Variants in CNTN4 observed in about 807,000 individuals in gnomAD.
The protein encoded by CNTN4 is contactin 4, also known as contactin-4.
Under a neutral mutation model 122.5 loss-of-function variants are expected in CNTN4, and 77 were observed. The ratio of observed to expected loss-of-function variants is 0.63; its 90% CI spans 0.52 to 0.76. The LOEUF (loss-of-function observed/expected upper bound fraction) is 0.76, where lower values mean the gene tolerates loss of function less well. Ranked by LOEUF, CNTN4 falls within the 30% of genes least tolerant of loss-of-function variation. The pLI is 0.00. For synonymous variants in CNTN4, 512 were observed against 447.0 expected, an observed-to-expected ratio of 1.15 and a Z score of -1.83; for missense variants, 1,256 against 1,259.1, an observed-to-expected ratio of 1.00 and a Z score of 0.04.
intron 4 of CNTN4, among the ~76,000 whole-genome samples, chr3:2,579,534 T>A (rs1009735500): frequency 3.9e-4 from 35 of 89,416 alleles, no homozygotes; most frequent in Non-Finnish European, 7.3e-4. Context: ...GTCATGGGTT[T>A]CTTTTTTTTT....
chr3:2,832,841 G>C (rs1201048374), intron 7 of CNTN4, among the ~76,000 whole-genome samples: 2 of 152,196 alleles, frequency 1.3e-5, no homozygotes, highest in Non-Finnish European at 2.9e-5. Flanking sequence ...TCAATTTATA[G>C]AAATGGTGGG....
chr3:2,864,753 A>AAAAAAAAAAAAAAAC (rs1256453176), intron 7 of CNTN4, among the ~76,000 whole-genome samples: 1 of 150,406 alleles, frequency 6.6e-6, no homozygotes, highest in Admixed American at 6.6e-5. Context: ...AAAAAAAAAA[A>AAAAAAAAAAAAAAAC]AAGTTTCCGG....
At chr3:2,977,562 G>C (rs1179449049) in intron 13 of CNTN4, among the ~76,000 whole-genome samples, 1 of 151,834 alleles carries the variant, frequency 6.6e-6, no homozygotes, top group East Asian at 1.9e-4. Flanking sequence ...TGCTGTTGGG[G>C]AAAAGGCCAA....
At chr3:2,597,293 A>G (rs1254052663) in intron 4 of CNTN4, among the ~76,000 whole-genome samples, 2 of 152,184 alleles carry the variant, frequency 1.3e-5, no homozygotes, top group Non-Finnish European at 2.9e-5. Context: ...AATAAGGACT[A>G]CAACATTGGG....
At chr3:3,023,716 C>T (rs568977975) in intron 14 of CNTN4, among the ~76,000 whole-genome samples, 6 of 152,298 alleles carry the variant, frequency 3.9e-5, no homozygotes, top group African/African-American at 1.4e-4. Flanking sequence ...CTGTCTAAGG[C>T]AGTAACTACC....
chr3:2,989,759 T>G (rs1429310062), intron 14 of CNTN4, among the ~76,000 whole-genome samples: 1 of 152,064 alleles, frequency 6.6e-6, no homozygotes, highest in African/African-American at 2.4e-5. Context: ...GAAAAAGAGG[T>G]TAGATAATAT....
At chr3:2,813,266 T>C (rs899091903) in intron 6 of CNTN4, among the ~76,000 whole-genome samples, 2 of 152,234 alleles carry the variant, frequency 1.3e-5, no homozygotes, top group Non-Finnish European at 2.9e-5. Context: ...TGACCATTTT[T>C]CCAAGTTGAT....
intron 13 of CNTN4, among the ~76,000 whole-genome samples, chr3:2,950,039 G>A (rs1372307238): frequency 1.3e-5 from 2 of 152,136 alleles, no homozygotes; most frequent in African/African-American, 4.8e-5. Flanking sequence ...ATTTTGCTTC[G>A]CAAAGATGTT....
intron 4 of CNTN4, among the ~76,000 whole-genome samples, chr3:2,639,614 T>C (rs2082815442): frequency 6.6e-6 from 1 of 152,236 alleles, no homozygotes; most frequent in Non-Finnish European, 1.5e-5. Context: ...CTCTGTTTTA[T>C]TCCCTGAGAA....
intron 3 of CNTN4, among the ~76,000 whole-genome samples, chr3:2,440,519 A>T (rs949242510): frequency 6.6e-6 from 1 of 152,112 alleles, no homozygotes; most frequent in Non-Finnish European, 1.5e-5. Flanking sequence ...CTTCACTTTT[A>T]ATATGTGCGT....
At chr3:2,378,122 G>A (rs1237042981) in intron 3 of CNTN4, among the ~76,000 whole-genome samples, 2 of 152,142 alleles carry the variant, frequency 1.3e-5, no homozygotes, top group Admixed American at 6.5e-5. Context: ...TCATTAATTT[G>A]GGGAGGAGAA....
At chr3:2,650,336 G>A (rs1317954365) in intron 4 of CNTN4, among the ~76,000 whole-genome samples, 2 of 152,046 alleles carry the variant, frequency 1.3e-5, no homozygotes, top group Admixed American at 1.3e-4. Flanking sequence ...GAATGGATGA[G>A]GAGTTGCTTC....
At chr3:3,044,624 G>A (rs1206639891) in intron 23 of CNTN4, among the ~76,000 whole-genome samples, 12 of 152,226 alleles carry the variant, frequency 7.9e-5, no homozygotes, top group African/African-American at 2.7e-4. Flanking sequence ...AAGGATGGAC[G>A]TGGGCAGTTC....
intron 4 of CNTN4, among the ~76,000 whole-genome samples, chr3:2,688,508 C>A (rs1317422128): frequency 6.6e-6 from 1 of 152,198 alleles, no homozygotes; most frequent in African/African-American, 2.4e-5. Context: ...ATGCACACAG[C>A]TCCTTGATGG....
intron 8 of CNTN4, among the ~76,000 whole-genome samples, chr3:2,870,609 C>A (rs1479132889): frequency 6.6e-6 from 1 of 152,056 alleles, no homozygotes; most frequent in African/African-American, 2.4e-5. Flanking sequence ...CTGGTAAGTG[C>A]AAGGTGAGTA....
chr3:2,852,598 A>T (rs2093565364), intron 7 of CNTN4, among the ~76,000 whole-genome samples: 1 of 152,166 alleles, frequency 6.6e-6, no homozygotes, highest in Non-Finnish European at 1.5e-5. Flanking sequence ...GTGATCCCCC[A>T]ACCCTCCTAT....
intron 3 of CNTN4, among the ~76,000 whole-genome samples, chr3:2,347,590 A>G (rs1313702911): frequency 1.3e-5 from 2 of 151,772 alleles, no homozygotes; most frequent in African/African-American, 2.4e-5. Context: ...TTGTATTTCT[A>G]GTAGAGACAG....
At chr3:2,099,496 C>G (rs1277868087) in intron 1 of CNTN4, 1 of 152,526 alleles carries the variant, frequency 6.6e-6, no homozygotes, top group African/African-American at 2.4e-5. Flanking sequence ...GTGGAGGGAC[C>G]TGGGACTAAA....
intron 3 of CNTN4, among the ~76,000 whole-genome samples, chr3:2,545,377 A>G (rs2078201606): frequency 6.6e-6 from 1 of 151,960 alleles, no homozygotes; most frequent in Non-Finnish European, 1.5e-5. Flanking sequence ...TTTTGGGTCC[A>G]TTTGGTCAAG....
Sources: allele counts gnomAD v4.1 joint callset (sites outside exome capture counted in the v4.1 genomes callset), GRCh38; gene constraint gnomAD v4.1.1; transcripts MANE v1.5; gene names NCBI Gene and HGNC (gene_info 2026-07-23, HGNC 2026-07-21).